The following SDK1 variants were observed in gnomAD, a reference collection of about 807,000 sequenced individuals.
The protein encoded by SDK1 is sidekick cell adhesion molecule 1, also known as protein sidekick-1.
In SDK1, 157 loss-of-function variants were observed where a neutral mutation model predicts 245.5. The observed-to-expected ratio is 0.64, with a 90% CI of 0.56 to 0.73. SDK1 has a LOEUF of 0.73. Ranked by LOEUF, SDK1 falls within the 30% of genes least tolerant of loss-of-function variation. SDK1 has a pLI of 0.00. For missense variants in SDK1, 3,583 were observed against 3,002.3 expected (o/e 1.19, Z -4.52); for synonymous variants, 1,647 against 1,278.5 (o/e 1.29, Z -6.15).
intron 2 of SDK1, among the ~76,000 whole-genome samples, chr7:3,622,968 T>G (rs1165631211): frequency 6.6e-6 from 1 of 152,182 alleles, no homozygotes; most frequent in Non-Finnish European, 1.5e-5. Flanking sequence ...CTCTTTCATC[T>G]ACTTCCTTCC....
chr7:4,061,683 G>A (rs1779550194), intron 19 of SDK1, among the ~76,000 whole-genome samples: 2 of 152,166 alleles, frequency 1.3e-5, no homozygotes, highest in South Asian at 4.2e-4. Context: ...ATATGCACAC[G>A]TATGTTTATT....
intron 1 of SDK1, among the ~76,000 whole-genome samples, chr7:3,411,597 A>G (rs1779204620): frequency 1.3e-5 from 2 of 152,206 alleles, no homozygotes; most frequent in African/African-American, 2.4e-5. Flanking sequence ...GATACTTCCC[A>G]GCAAATCTGA....
chr7:3,800,928 T>C (rs74504038), intron 4 of SDK1, among the ~76,000 whole-genome samples: 6,479 of 152,320 alleles, frequency 0.043, 235 homozygotes, highest in Non-Finnish European at 0.067. Flanking sequence ...TTCTTGGTTC[T>C]AGTTGAACAC....
At chr7:3,787,413 C>T (rs958942182) in intron 4 of SDK1, among the ~76,000 whole-genome samples, 1 of 152,202 alleles carries the variant, frequency 6.6e-6, no homozygotes, top group African/African-American at 2.4e-5. Flanking sequence ...CAGCTGATCA[C>T]ACTGGAGCCT....
At chr7:3,718,892 A>G (rs1321948722) in intron 4 of SDK1, among the ~76,000 whole-genome samples, 1 of 152,240 alleles carries the variant, frequency 6.6e-6, no homozygotes, top group Non-Finnish European at 1.5e-5. Context: ...AATTTACAAA[A>G]AAGTCCCAAG....
In SDK1 at chr7:3,989,666, G is replaced by A. The variant is rs1784148479; in HGVS notation, c.2131+2344G>A. 4.6e-5 allele frequency among the ~76,000 whole-genome samples: 7 copies of A among 152,254 alleles called. No homozygotes were observed. The South Asian group carries it at 1.5e-3, about 32-fold the overall frequency. On this transcript the variant is annotated intron_variant, in intron 14 of 44. Coordinates refer to ENST00000404826, the MANE Select transcript of SDK1 (RefSeq NM_152744.4). Reference sequence around the variant, plus strand: ...GAAACCCAGCTCCCCGTGGGTCCCTGGTGCTGCTCACTTTTCTGGGCAGAT... The same window carrying A: ...GAAACCCAGCTCCCCGTGGGTCCCTAGTGCTGCTCACTTTTCTGGGCAGAT...
At chr7:3,698,378 C>G (rs976697654) in intron 4 of SDK1, among the ~76,000 whole-genome samples, 2 of 152,118 alleles carry the variant, frequency 1.3e-5, no homozygotes, top group Admixed American at 6.5e-5. Flanking sequence ...GCACCTGAGG[C>G]GCCTGAACTT....
intron 1 of SDK1, among the ~76,000 whole-genome samples, chr7:3,330,649 C>A (rs536376416): frequency 6.6e-6 from 1 of 152,196 alleles, no homozygotes; most frequent in African/African-American, 2.4e-5. Flanking sequence ...CCTCCAGAAC[C>A]ATGAGCTATG....
At chr7:3,956,830 C>G (rs1034748762) in intron 7 of SDK1, among the ~76,000 whole-genome samples, 3 of 152,210 alleles carry the variant, frequency 2.0e-5, no homozygotes, top group African/African-American at 7.2e-5. Context: ...GAGCCATGCA[C>G]TTGCTCAGCC....
intron 4 of SDK1, among the ~76,000 whole-genome samples, chr7:3,747,460 C>T (rs1221499930): frequency 6.6e-6 from 1 of 152,170 alleles, no homozygotes; most frequent in African/African-American, 2.4e-5. Context: ...ATTAGATGCA[C>T]TGTGGCTTTT....
At chr7:3,928,584 T>C (rs1779858749) in intron 5 of SDK1, among the ~76,000 whole-genome samples, 1 of 152,144 alleles carries the variant, frequency 6.6e-6, no homozygotes, top group East Asian at 1.9e-4. Flanking sequence ...AGACGCCACA[T>C]TTCCAGCAGG....
At chr7:3,356,894 A>G (rs896698968) in intron 1 of SDK1, among the ~76,000 whole-genome samples, 5 of 151,856 alleles carry the variant, frequency 3.3e-5, no homozygotes, top group Non-Finnish European at 5.9e-5. Context: ...CATCTCTACT[A>G]AAAATATAAA....
intron 6 of SDK1, 96 bp from the exon 7 acceptor site, chr7:3,951,634 T>C: frequency 1.8e-6 from 2 of 1,085,164 alleles, no homozygotes; most frequent in Non-Finnish European, 2.7e-6. Context: ...CCTGGTAGCA[T>C]TAGCTTCGTC....
intron 17 of SDK1, among the ~76,000 whole-genome samples, chr7:4,043,785 T>C (rs893077676): frequency 5.3e-5 from 8 of 152,266 alleles, no homozygotes; most frequent in African/African-American, 1.9e-4. Flanking sequence ...ACATTTGATA[T>C]TTGGTATTCT....
intron 17 of SDK1, among the ~76,000 whole-genome samples, chr7:4,034,157 A>G (rs959930536): frequency 3.3e-5 from 5 of 152,222 alleles, no homozygotes; most frequent in South Asian, 2.1e-4. Context: ...ATGGACTCAA[A>G]CTAGGAACAT....
At chr7:3,674,379 C>A (rs1185246921) in intron 4 of SDK1, among the ~76,000 whole-genome samples, 1 of 152,096 alleles carries the variant, frequency 6.6e-6, no homozygotes, top group Non-Finnish European at 1.5e-5. Context: ...CTAGAGAGGG[C>A]TGCTAGGGCA....
chr7:3,950,876 C>G (rs761536251), intron 5 of SDK1, 47 bp from the exon 6 acceptor site: 17 of 1,438,702 alleles, frequency 1.2e-5, no homozygotes, highest in Middle Eastern at 2.1e-4. Context: ...GCGGGGGGTG[C>G]TCCTGTACTT....
intron 5 of SDK1, among the ~76,000 whole-genome samples, chr7:3,852,336 T>C (rs1019277952): frequency 6.6e-6 from 1 of 152,072 alleles, no homozygotes; most frequent in Non-Finnish European, 1.5e-5. Context: ...TTGGAAGATA[T>C]GTGCTGCATT....
intron 4 of SDK1, among the ~76,000 whole-genome samples, chr7:3,789,406 C>A (rs997833066): frequency 2.6e-5 from 4 of 152,354 alleles, no homozygotes; most frequent in African/African-American, 9.6e-5. Context: ...CCTCAGCCTC[C>A]CAAAGTGCTG....
Sources: gnomAD v4.1 joint callset for allele counts (sites outside exome capture counted in the v4.1 genomes callset) on GRCh38, gnomAD v4.1.1 for gene constraint, MANE v1.5 for transcripts, NCBI Gene and HGNC (gene_info 2026-07-23, HGNC 2026-07-21) for gene names.